The following LARGE1 variants were observed in gnomAD, a reference collection of about 807,000 sequenced individuals.
The protein encoded by LARGE1 is xylosyl- and glucuronyltransferase LARGE1.
A neutral mutation model predicts 87.6 loss-of-function variants in LARGE1; 43 were observed. The observed-to-expected ratio is 0.49, with a 90% CI of 0.38 to 0.63. The LOEUF (loss-of-function observed/expected upper bound fraction) is 0.63. LARGE1 is among the 30% of genes least tolerant of loss of function. LARGE1 has a pLI of 0.00. For synonymous variants in LARGE1, 434 were observed against 394.6 expected (o/e 1.10, Z -1.18); for missense variants, 802 against 1,000.2 (o/e 0.80, Z 2.67).
chr22:33,590,683 T>C (rs2078810764), intron 5 of LARGE1, among the ~76,000 whole-genome samples: 1 of 152,158 alleles, frequency 6.6e-6, no homozygotes, highest in Non-Finnish European at 1.5e-5. Context: ...CATCAAACCT[T>C]CTCACTGGCA....
At chr22:33,387,161 A>G (rs1482059989) in intron 7 of LARGE1, among the ~76,000 whole-genome samples, 3 of 148,250 alleles carry the variant, frequency 2.0e-5, no homozygotes, top group African/African-American at 7.3e-5. Flanking sequence ...GTGGTGGCTC[A>G]TGCCTGTAAT....
intron 11 of LARGE1, among the ~76,000 whole-genome samples, chr22:33,201,336 GAGAA>G (rs1230505513): frequency 1.1e-5 from 1 of 89,568 alleles, no homozygotes; most frequent in Non-Finnish European, 2.3e-5. Flanking sequence ...GAAAGAGAGA[GAGAA>G]AGAAAGAGAG....
intron 9 of LARGE1, among the ~76,000 whole-genome samples, chr22:33,369,689 C>G (rs1157756543): frequency 6.6e-6 from 1 of 152,172 alleles, no homozygotes; most frequent in Non-Finnish European, 1.5e-5. Flanking sequence ...CTGCCTCAGC[C>G]TCCTGAGTAG....
chr22:33,376,030 G>C (rs1162145403), intron 9 of LARGE1, among the ~76,000 whole-genome samples: 5 of 152,156 alleles, frequency 3.3e-5, no homozygotes, highest in African/African-American at 1.2e-4. Flanking sequence ...TTTTGGAAAA[G>C]CCAATATCAC....
chr22:33,132,913 A>G, the LARGE1 span, among the ~76,000 whole-genome samples: 1 of 152,122 alleles, frequency 6.6e-6, no homozygotes, highest in Non-Finnish European at 1.5e-5. Context: ...GGCTCTGGTT[A>G]TTGTGTCCTG....
intron 1 of LARGE1, among the ~76,000 whole-genome samples, chr22:33,910,182 T>C (rs2065589561): frequency 6.6e-6 from 1 of 152,236 alleles, no homozygotes; most frequent in African/African-American, 2.4e-5. Context: ...TCTCCAACTA[T>C]GTCCCTCGAG....
chr22:33,282,156 C>T (rs1022790194), intron 13 of LARGE1, among the ~76,000 whole-genome samples: 1 of 152,048 alleles, frequency 6.6e-6, no homozygotes, highest in African/African-American at 2.4e-5. Context: ...ACCAGCCTGA[C>T]CAATATGGAG....
At chr22:33,712,436 T>C (rs2082760389) in intron 2 of LARGE1, among the ~76,000 whole-genome samples, 1 of 152,092 alleles carries the variant, frequency 6.6e-6, no homozygotes, top group African/African-American at 2.4e-5. Flanking sequence ...GCATGTTCAC[T>C]GAGGCCATGA....
chr22:33,260,430 T>C (rs1322108184), intron 11 of LARGE1, among the ~76,000 whole-genome samples: 1 of 152,274 alleles, frequency 6.6e-6, no homozygotes, highest in South Asian at 2.1e-4. Flanking sequence ...GCATGGGCTT[T>C]GGGGTCTGGC....
chr22:33,306,147 C>T (rs1032811164), intron 11 of LARGE1, among the ~76,000 whole-genome samples: 9 of 152,142 alleles, frequency 5.9e-5, no homozygotes, highest in African/African-American at 2.2e-4. Context: ...CCTGGCCGAC[C>T]AGAGCCATTT....
At chr22:33,643,300 G>T (rs1011855542) in intron 3 of LARGE1, among the ~76,000 whole-genome samples, 7 of 151,970 alleles carry the variant, frequency 4.6e-5, no homozygotes, top group African/African-American at 1.7e-4. Flanking sequence ...ATGACTACTG[G>T]GTAAATAACA....
At chr22:33,720,297 C>T (rs752723190) in intron 2 of LARGE1, among the ~76,000 whole-genome samples, 62 of 152,162 alleles carry the variant, frequency 4.1e-4, no homozygotes, top group Non-Finnish European at 4.0e-4. Context: ...ATGCCACTGC[C>T]GATCTGACAG....
intron 11 of LARGE1, among the ~76,000 whole-genome samples, chr22:33,242,688 T>C (rs1339092219): frequency 6.6e-6 from 1 of 152,210 alleles, no homozygotes; most frequent in Non-Finnish European, 1.5e-5. Context: ...AAGTGAGAAC[T>C]AAACTCTAGG....
chr22:33,786,594 C>T (rs1456295648), intron 1 of LARGE1, among the ~76,000 whole-genome samples: 1 of 152,198 alleles, frequency 6.6e-6, no homozygotes, highest in Non-Finnish European at 1.5e-5. Context: ...GAGAATTCTC[C>T]TCCCTTCAGA....
intron 10 of LARGE1, among the ~76,000 whole-genome samples, chr22:33,330,243 G>A (rs762360738): frequency 1.3e-5 from 2 of 152,156 alleles, no homozygotes; most frequent in Admixed American, 6.5e-5. Context: ...TAGAAAAAAC[G>A]GTAGAGAATA....
chr22:33,844,863 G>A (rs2063385083), intron 1 of LARGE1, among the ~76,000 whole-genome samples: 1 of 151,864 alleles, frequency 6.6e-6, no homozygotes, highest in Admixed American at 6.6e-5. Flanking sequence ...TGAGATTACA[G>A]GCACGCACCA....
In LARGE1 at chr22:33,697,598, C is replaced by T. The variant is rs555865385; in HGVS notation, c.107-46930G>A. 5.2e-5 allele frequency among the ~76,000 whole-genome samples: 7 copies of T among 135,150 alleles called. No homozygotes were observed. The East Asian group carries it at 1.7e-3, about 33-fold the overall frequency. The allele number at this position is 135,150 out of a possible 152,430, so 88.7% of individuals were successfully genotyped here. A position where few individuals can be genotyped will look rare whatever the true frequency, so the allele number is the denominator to read the frequency against. ...AAATACATCTCTTTCTGTTGAAGCT[C>T]ATGCATCCTCTTGTCTGTAACTGAA... On this transcript the variant is annotated intron_variant, in intron 2 of 14. Coordinates refer to ENST00000397394, the MANE Select transcript of LARGE1 (RefSeq NM_133642.5).
At chr22:33,466,728 T>TACACAC (rs2068634498) in intron 6 of LARGE1, among the ~76,000 whole-genome samples, 1 of 105,762 alleles carries the variant, frequency 9.5e-6, no homozygotes, top group East Asian at 3.3e-4. Flanking sequence ...ACACACACAC[T>TACACAC]ACACACACAC....
At chr22:33,088,069 A>AAC in the LARGE1 span, among the ~76,000 whole-genome samples, 265 of 134,046 alleles carry the variant, frequency 2.0e-3, 1 homozygote, top group African/African-American at 6.4e-3. Context: ...CACACACACA[A>AAC]ACACACACAC....
Sources: allele counts gnomAD v4.1 joint callset (sites outside exome capture counted in the v4.1 genomes callset), GRCh38; gene constraint gnomAD v4.1.1; transcripts MANE v1.5; gene names NCBI Gene and HGNC (gene_info 2026-07-23, HGNC 2026-07-21).